SGCZ: variants seen among roughly 807,000 people sequenced by gnomAD.
SGCZ encodes sarcoglycan zeta.
SGCZ carries 40 observed loss-of-function variants against 41.3 expected under a neutral mutation model. That is an observed-to-expected ratio of 0.97 (90% CI 0.75 to 1.26). The LOEUF (loss-of-function observed/expected upper bound fraction) is 1.26. Among genes scored for constraint, SGCZ ranks in the 50% most tolerant of loss-of-function variants. The pLI is 0.00. For missense variants in SGCZ, 552 were observed against 369.8 expected (o/e 1.49, Z -4.04); for synonymous variants, 206 against 137.5 (o/e 1.50, Z -3.49).
chr8:14,559,752 T>A (rs1481835855), intron 1 of SGCZ, among the ~76,000 whole-genome samples: 1 of 152,122 alleles, frequency 6.6e-6, no homozygotes, highest in African/African-American at 2.4e-5. Context: ...TATTAAAATA[T>A]CATAATTTTA....
chr8:15,099,044 C>A (rs555360722), intron 1 of SGCZ, among the ~76,000 whole-genome samples: 1 of 152,156 alleles, frequency 6.6e-6, no homozygotes, highest in Non-Finnish European at 1.5e-5. Flanking sequence ...AGTGACAGAG[C>A]GAGACTCCGT....
chr8:14,271,132 G>A (rs552814393), intron 3 of SGCZ, among the ~76,000 whole-genome samples: 1 of 151,866 alleles, frequency 6.6e-6, no homozygotes, highest in South Asian at 2.1e-4. Flanking sequence ...CACCAATATG[G>A]CACATGTATA....
At chr8:14,227,637 TAAC>T (rs1398069163) in intron 4 of SGCZ, among the ~76,000 whole-genome samples, 4 of 152,216 alleles carry the variant, frequency 2.6e-5, no homozygotes, top group Non-Finnish European at 5.9e-5. Flanking sequence ...AAGGGATTCA[TAAC>T]AATCTTAAGA....
At chr8:14,507,189 G>T (rs562029148) in intron 2 of SGCZ, among the ~76,000 whole-genome samples, 1 of 149,228 alleles carries the variant, frequency 6.7e-6, no homozygotes, top group African/African-American at 2.5e-5. Flanking sequence ...TGCAAATCAA[G>T]TCAACTCTGC....
intron 1 of SGCZ, among the ~76,000 whole-genome samples, chr8:14,944,715 A>G (rs927962190): frequency 6.6e-6 from 1 of 152,176 alleles, no homozygotes; most frequent in Non-Finnish European, 1.5e-5. Context: ...TGATAAACCC[A>G]TTGTAGGCTG....
At chr8:14,802,507 G>C (rs1441922315) in intron 1 of SGCZ, among the ~76,000 whole-genome samples, 1 of 152,150 alleles carries the variant, frequency 6.6e-6, no homozygotes, top group Non-Finnish European at 1.5e-5. Flanking sequence ...ATGAGCCAGT[G>C]ATTCAAAATC....
chr8:15,158,893 A>G (rs1171324187), intron 1 of SGCZ, among the ~76,000 whole-genome samples: 7 of 152,190 alleles, frequency 4.6e-5, no homozygotes, highest in Non-Finnish European at 8.8e-5. Flanking sequence ...GTGGTCAGGT[A>G]ATGGCAGTGC....
chr8:14,938,985 A>G (rs1362477716), intron 1 of SGCZ, among the ~76,000 whole-genome samples: 1 of 152,118 alleles, frequency 6.6e-6, no homozygotes, highest in Non-Finnish European at 1.5e-5. Context: ...AGTGTCTTTC[A>G]GTCTGCGCCC....
intron 3 of SGCZ, among the ~76,000 whole-genome samples, chr8:14,238,866 A>T (rs1267469671): frequency 6.6e-6 from 1 of 152,118 alleles, no homozygotes; most frequent in African/African-American, 2.4e-5. Flanking sequence ...TCTAGGCAGT[A>T]TGTCACGTCT....
rs1232524452 is a variant in SGCZ at position 15,173,185 on chromosome 8, A to G, written c.39+64400T>C. Among the ~76,000 whole-genome samples the G allele has an allele frequency of 2.0e-5, 3 of 152,214 alleles. No individual in the cohort carries two copies. In the East Asian group the frequency reaches 5.8e-4, roughly 29 times the overall value. Reference sequence around the variant, plus strand: ...TTTGTGTGACCTTTAGCAATTTTTTAAAATGTATTGTAATAAAAAACATAT... The same window carrying G: ...TTTGTGTGACCTTTAGCAATTTTTTGAAATGTATTGTAATAAAAAACATAT... On this transcript the variant is annotated intron_variant, in intron 1 of 7. Transcript: ENST00000382080.
At chr8:14,394,400 C>T (rs191504925) in intron 2 of SGCZ, among the ~76,000 whole-genome samples, 2 of 152,102 alleles carry the variant, frequency 1.3e-5, no homozygotes, top group African/African-American at 4.8e-5. Context: ...CCACCCGCCT[C>T]GGCCTTTCAA....
At chr8:14,209,848 AAAATATAACCTGTATGATTAAG>A (rs1805742751) in intron 4 of SGCZ, among the ~76,000 whole-genome samples, 1 of 13,256 alleles carries the variant, frequency 7.5e-5, no homozygotes, top group South Asian at 5.9e-3. Flanking sequence ...ATGATTAAGT[AAAATATAACCTGTATGATTAAG>A]TAAAATATAA....
chr8:14,321,711 T>G lies in SGCZ; in HGVS notation c.336+2392A>C, dbSNP rs189937165. On this transcript the variant is annotated intron_variant, in intron 3 of 7. Transcript: ENST00000382080. ...CTCAGCTTCACTGAATCTTCCAAAG[T>G]GCCTTTTAGATTTTCTAATAGATTT... Among the ~76,000 whole-genome samples the G allele has an allele frequency of 1.9e-3, 289 of 152,228 alleles. 1 individual carries two copies. The highest frequency in any genetic ancestry group is 6.9e-3 in the African/African-American group (285 of 41,556).
At chr8:14,257,058 T>C (rs558449517) in intron 3 of SGCZ, among the ~76,000 whole-genome samples, 1 of 152,254 alleles carries the variant, frequency 6.6e-6, no homozygotes, top group African/African-American at 2.4e-5. Context: ...TGGCCAGGCG[T>C]GGTGGCTCAT....
chr8:14,476,653 A>C (rs903351782), intron 2 of SGCZ, among the ~76,000 whole-genome samples: 7 of 152,140 alleles, frequency 4.6e-5, no homozygotes, highest in African/African-American at 1.4e-4. Flanking sequence ...TCTATGTTTC[A>C]AATTCTACCC....
intron 1 of SGCZ, among the ~76,000 whole-genome samples, chr8:14,679,231 C>T (rs1034278722): frequency 1.3e-5 from 2 of 151,930 alleles, no homozygotes; most frequent in Non-Finnish European, 2.9e-5. Context: ...TTTACTATAC[C>T]ATAAATTGTA....
chr8:14,198,828 C>G (rs1805362523), intron 4 of SGCZ, among the ~76,000 whole-genome samples: 1 of 152,140 alleles, frequency 6.6e-6, no homozygotes, highest in South Asian at 2.1e-4. Flanking sequence ...AATCTCTGAA[C>G]ATACATTGTG....
intron 1 of SGCZ, among the ~76,000 whole-genome samples, chr8:14,702,925 GTAGATAGATAGATAGATAGA>G (rs1159190492): frequency 6.4e-5 from 8 of 125,872 alleles, no homozygotes; most frequent in African/African-American, 1.5e-4. Context: ...AGTTAGGTAG[GTAGATAGATAGATAGATAGA>G]TAGATAGATA....
At position 14,594,376 on chromosome 8, in the gene SGCZ, A is replaced by T. The variant is rs1044363817; in HGVS notation, c.40-39450T>A. Among the ~76,000 whole-genome samples the T allele has an allele frequency of 5.3e-5, 8 of 152,142 alleles. No individual in the cohort carries two copies. The East Asian group carries it at 1.5e-3, about 29-fold the overall frequency. ...AAACACTGATGTAGCATTAAAAAAA[A>T]ACATGAAAACTGGAAGATCTGGGTT... On this transcript the variant is annotated intron_variant, in intron 1 of 7. Transcript: ENST00000382080.
Sources: gnomAD v4.1 joint callset for allele counts (sites outside exome capture counted in the v4.1 genomes callset) on GRCh38, gnomAD v4.1.1 for gene constraint, MANE v1.5 for transcripts, NCBI Gene and HGNC (gene_info 2026-07-23, HGNC 2026-07-21) for gene names.